PARD3B: variants seen among roughly 807,000 people sequenced by gnomAD.
PARD3B encodes partitioning defective 3 homolog B.
In PARD3B, 103 loss-of-function variants were observed where a neutral mutation model predicts 130.2. That is an observed-to-expected ratio of 0.79 (90% CI 0.67 to 0.93). PARD3B has a LOEUF of 0.93. PARD3B is among the 40% of genes least tolerant of loss of function. The pLI, the probability that PARD3B is intolerant of heterozygous loss-of-function variation, is 0.00. For synonymous variants in PARD3B, 583 were observed against 553.2 expected (o/e 1.05, Z -0.76); for missense variants, 1,609 against 1,499.2 (o/e 1.07, Z -1.21).
intron 3 of PARD3B, among the ~76,000 whole-genome samples, chr2:204,978,246 C>T (rs4675478): frequency 0.75 from 114,242 of 152,064 alleles, 43,726 homozygotes; most frequent in Non-Finnish European, 0.81. Context: ...TTTTCTACAG[C>T]GCTGTTTTTT....
intron 16 of PARD3B, among the ~76,000 whole-genome samples, chr2:205,275,837 CAAAAAAAA>C (rs59238795): frequency 3.3e-5 from 2 of 60,650 alleles, no homozygotes; most frequent in African/African-American, 6.2e-5. Context: ...AACTTTGTCT[CAAAAAAAA>C]AAAAAAAAAA....
chr2:205,566,961 A>C (rs1559223997), intron 22 of PARD3B, among the ~76,000 whole-genome samples: 1 of 152,238 alleles, frequency 6.6e-6, no homozygotes, highest in Non-Finnish European at 1.5e-5. Flanking sequence ...ACTTAATGTC[A>C]TCTGGCATTC....
chr2:205,358,193 C>T (rs892989533), intron 18 of PARD3B, among the ~76,000 whole-genome samples: 10 of 152,116 alleles, frequency 6.6e-5, no homozygotes, highest in African/African-American at 1.2e-4. Flanking sequence ...GAACTGTATA[C>T]GTGCTTTCTT....
At chr2:205,399,915 C>G (rs1438385117) in intron 18 of PARD3B, among the ~76,000 whole-genome samples, 1 of 152,130 alleles carries the variant, frequency 6.6e-6, no homozygotes, top group African/African-American at 2.4e-5. Flanking sequence ...GGAAAGCGTA[C>G]AGGCAGAGAT....
chr2:204,779,538 C>A (rs923037982), intron 2 of PARD3B, among the ~76,000 whole-genome samples: 1 of 152,168 alleles, frequency 6.6e-6, no homozygotes, highest in Admixed American at 6.6e-5. Flanking sequence ...ATGGAACATT[C>A]TGATGATCTG....
In PARD3B at chr2:204,907,135, C is replaced by A. The variant is rs917650069; in HGVS notation, c.223-58017C>A. On this transcript the variant is annotated intron_variant, in intron 2 of 22. Coordinates refer to ENST00000406610, the MANE Select transcript of PARD3B (RefSeq NM_001302769.2). The surrounding 1 kb of genome is among the most constrained non-coding windows in gnomAD (Gnocchi z 5.7). ...AGCTGGGATTACAGGTGCCCACCAC[C>A]ACACCCGGCTCTTTTTTCATATTTT... Among the ~76,000 whole-genome samples, 1 of 152,152 alleles carries A rather than the reference C, an allele frequency of 6.6e-6. No individual in the cohort carries two copies. Among genetic ancestry groups the A allele is most frequent in the African/African-American group, 2.4e-5 (1 of 41,418 alleles).
intron 2 of PARD3B, among the ~76,000 whole-genome samples, chr2:204,924,423 T>A (rs1043938152): frequency 6.6e-6 from 1 of 152,096 alleles, no homozygotes; most frequent in East Asian, 1.9e-4. Flanking sequence ...AAAGGGGCAT[T>A]AATTTTACAG....
chr2:205,239,398 A>G (rs2039250367), intron 15 of PARD3B, among the ~76,000 whole-genome samples: 1 of 152,060 alleles, frequency 6.6e-6, no homozygotes, highest in Non-Finnish European at 1.5e-5. Flanking sequence ...TAATGAAACT[A>G]TTTAACATAT....
chr2:205,308,345 G>C (rs576904589), intron 18 of PARD3B, among the ~76,000 whole-genome samples: 1 of 151,948 alleles, frequency 6.6e-6, no homozygotes, highest in African/African-American at 2.4e-5. Flanking sequence ...GGTGGCTCTC[G>C]CCTGTAATCC....
chr2:205,014,241 A>AGTAAG (rs1398782078), intron 3 of PARD3B, among the ~76,000 whole-genome samples: 1 of 152,178 alleles, frequency 6.6e-6, no homozygotes, highest in Admixed American at 6.5e-5. Flanking sequence ...GTCAGTGAAA[A>AGTAAG]CCAGAAATTT....
At chr2:205,517,036 T>C (rs1233188059) in intron 21 of PARD3B, among the ~76,000 whole-genome samples, 1 of 152,166 alleles carries the variant, frequency 6.6e-6, no homozygotes, top group African/African-American at 2.4e-5. Flanking sequence ...GTGGTTTTTG[T>C]CTTTAGTTCT....
chr2:204,935,533 C>T lies in PARD3B; in HGVS notation c.223-29619C>T, dbSNP rs59898374. On this transcript the variant is annotated intron_variant, in intron 2 of 22. Transcript: ENST00000406610. ...CAGCCTGAGTGACAGAGCAAGACTC[C>T]GTCTCAAAAACAAATAAAAAAGAAT... Among the ~76,000 whole-genome samples the T allele has an allele frequency of 8.9e-3, 1,340 of 151,230 alleles. 22 individuals are homozygous for T. Among genetic ancestry groups the T allele is most frequent in the African/African-American group, 0.03 (1,254 of 41,248 alleles).
chr2:205,121,607 C>A lies in PARD3B; in HGVS notation c.823C>A (p.Arg275Ser). Residue 275 changes from arginine (R) to serine (S), a missense_variant, in exon 8 of 23, where the codon CGC becomes AGC. By Grantham distance (110) the Arg-to-Ser change is moderately radical (BLOSUM62 -1). Coordinates refer to ENST00000406610, the MANE Select transcript of PARD3B (RefSeq NM_001302769.2). This position sits in a 1 kb window ranked among gnomAD's most constrained non-coding sequence, Gnocchi z 5.0. ...TCTTTCCAGGGCTCAAGATGTCTTCCGCCAGGCAATGAAATCTCCAAGTGT... is the reference window on the plus strand; with the variant it reads ...TCTTTCCAGGGCTCAAGATGTCTTCAGCCAGGCAATGAAATCTCCAAGTGT... ...KTFAQAQDVFRQAMKSPSVLL... is the reference protein window; with the variant it reads ...KTFAQAQDVFSQAMKSPSVLL... 6.2e-7 allele frequency: 1 copy of A among 1,612,632 alleles called. No homozygotes were observed. The highest frequency in any genetic ancestry group is 8.5e-7 in the Non-Finnish European group (1 of 1,178,778).
intron 3 of PARD3B, among the ~76,000 whole-genome samples, chr2:205,031,702 T>A (rs1046288579): frequency 1.3e-5 from 2 of 152,148 alleles, no homozygotes; most frequent in African/African-American, 4.8e-5. Context: ...AATGCAGTAC[T>A]TACAGGTAGT....
At chr2:205,156,429 A>G (rs2034172465) in intron 10 of PARD3B, among the ~76,000 whole-genome samples, 1 of 152,242 alleles carries the variant, frequency 6.6e-6, no homozygotes, top group South Asian at 2.1e-4. Flanking sequence ...AAAATTTAAA[A>G]AAAAAGAAAA....
chr2:205,298,599 G>C (rs1290225600), intron 16 of PARD3B, among the ~76,000 whole-genome samples: 1 of 151,846 alleles, frequency 6.6e-6, no homozygotes, highest in Non-Finnish European at 1.5e-5. Context: ...TAGCCAGTAG[G>C]GTTTATAAAA....
At chr2:204,692,220 C>T (rs533678733) in intron 2 of PARD3B, among the ~76,000 whole-genome samples, 2 of 152,222 alleles carry the variant, frequency 1.3e-5, no homozygotes, top group Admixed American at 6.6e-5. Context: ...TTTGTTACAA[C>T]TCACAGACTC....
intron 1 of PARD3B, among the ~76,000 whole-genome samples, chr2:204,650,404 C>T (rs2035436848): frequency 6.6e-6 from 1 of 152,066 alleles, no homozygotes; most frequent in African/African-American, 2.4e-5. Flanking sequence ...TGGGTGTACA[C>T]CTAAAGGAAT....
chr2:205,124,573 C>G, intron 9 of PARD3B, 107 bp downstream of exon 9: 1 of 786,966 alleles, frequency 1.3e-6, no homozygotes. Flanking sequence ...TTATTTTGAA[C>G]CTAATATATA....
Sources: allele counts gnomAD v4.1 joint callset (sites outside exome capture counted in the v4.1 genomes callset), GRCh38; gene constraint gnomAD v4.1.1; non-coding constraint Gnocchi (gnomAD v3.1); transcripts MANE v1.5; gene names NCBI Gene and HGNC (gene_info 2026-07-23, HGNC 2026-07-21).